Variants in ADD2 observed in about 807,000 individuals in gnomAD.
The protein encoded by ADD2 is beta-adducin.
A neutral mutation model predicts 83.0 loss-of-function variants in ADD2; 23 were observed. The ratio of observed to expected loss-of-function variants is 0.28; its 90% CI spans 0.20 to 0.39. The LOEUF (loss-of-function observed/expected upper bound fraction) is 0.39. Ranked by LOEUF, ADD2 falls within the 10% of genes least tolerant of loss-of-function variation. The probability of loss-of-function intolerance (pLI) is 1.00; values close to 1 mark genes in which losing one functional copy is unlikely to be tolerated. For missense variants in ADD2, 758 were observed against 944.9 expected (o/e 0.80, Z 2.59); for synonymous variants, 375 against 375.4 (o/e 1.00, Z 0.01).
chr2:70,723,345 AC>A (rs528099874), intron 1 of ADD2, among the ~76,000 whole-genome samples: 12 of 152,316 alleles, frequency 7.9e-5, no homozygotes, highest in African/African-American at 2.9e-4. Flanking sequence ...GTTAGGTGCT[AC>A]TATTAAATCA....
intron 1 of ADD2, among the ~76,000 whole-genome samples, chr2:70,727,450 C>T (rs1221663340): frequency 7.2e-5 from 11 of 152,138 alleles, no homozygotes; most frequent in Non-Finnish European, 8.8e-5. Context: ...ACTAAACTGC[C>T]TTCTTTTCCT....
At chr2:70,736,322 G>A (rs184337364) in intron 1 of ADD2, among the ~76,000 whole-genome samples, 1 of 152,202 alleles carries the variant, frequency 6.6e-6, no homozygotes, top group Non-Finnish European at 1.5e-5. Flanking sequence ...TCATCAAGTA[G>A]TGTTAAAATG....
intron 1 of ADD2, among the ~76,000 whole-genome samples, chr2:70,745,591 G>A (rs1341061146): frequency 1.3e-5 from 2 of 152,184 alleles, no homozygotes; most frequent in African/African-American, 4.8e-5. Context: ...GGGAAAGCAG[G>A]AGGGGCAGGA....
Position 70,688,120 on chromosome 2 carries a change from G to A in ADD2, c.852C>T (p.Ile284=), listed in dbSNP as rs1011668406. Residue 284 remains isoleucine, a splice_region_variant and synonymous_variant, in exon 9 of 16, where the codon ATC becomes ATT. Transcript: ENST00000264436. ...LQKCLGPTCK[I]LVLRNHGVVA... Reference sequence around the variant, plus strand: ...CCACTCCATGGTTTCTTAGCACCAGGATCTGTAGAGAAATAAATAGTCAAT... The same window carrying A: ...CCACTCCATGGTTTCTTAGCACCAGAATCTGTAGAGAAATAAATAGTCAAT... The A allele has an allele frequency of 6.2e-7, 1 of 1,613,190 alleles. No individual in the cohort carries two copies. The highest frequency in any genetic ancestry group is 8.5e-7 in the Non-Finnish European group (1 of 1,179,226).
intron 1 of ADD2, among the ~76,000 whole-genome samples, chr2:70,734,383 T>G (rs569297055): frequency 6.6e-6 from 1 of 152,096 alleles, no homozygotes; most frequent in African/African-American, 2.4e-5. Context: ...ACACACATGT[T>G]GCTCTAGATG....
intron 10 of ADD2, among the ~76,000 whole-genome samples, chr2:70,680,335 C>T (rs1380629758): frequency 1.3e-5 from 2 of 152,170 alleles, no homozygotes; most frequent in African/African-American, 2.4e-5. Flanking sequence ...GTTAAATTCT[C>T]ATATATTTTG....
chr2:70,758,047 A>C (rs942088806), intron 1 of ADD2, among the ~76,000 whole-genome samples: 1 of 152,206 alleles, frequency 6.6e-6, no homozygotes, highest in Non-Finnish European at 1.5e-5. Flanking sequence ...ACAAATCTCC[A>C]TCACTTCTGG....
intron 1 of ADD2, among the ~76,000 whole-genome samples, chr2:70,743,449 T>C (rs1674025037): frequency 6.6e-6 from 1 of 152,244 alleles, no homozygotes; most frequent in South Asian, 2.1e-4. Flanking sequence ...GTCTTATGGC[T>C]GTCTCCTCTC....
intron 15 of ADD2, among the ~76,000 whole-genome samples, chr2:70,666,411 C>T (rs887577413): frequency 3.3e-5 from 5 of 152,206 alleles, no homozygotes; most frequent in African/African-American, 4.8e-5. Context: ...TCTCCTGTAC[C>T]TATGCCCTGG....
intron 10 of ADD2, among the ~76,000 whole-genome samples, chr2:70,681,524 C>T (rs755463722): frequency 6.6e-6 from 1 of 152,208 alleles, no homozygotes; most frequent in Non-Finnish European, 1.5e-5. Flanking sequence ...TTGAGTCTGT[C>T]TCCTGCATGG....
At chr2:70,675,718 G>T in intron 13 of ADD2, 1 of 985,420 alleles carries the variant, frequency 1.0e-6, no homozygotes. Context: ...TTCTGCCCCT[G>T]GGCCCCTTCC....
Position 70,713,108 on chromosome 2 carries a change from T to C in ADD2, c.-77A>G. On this transcript the variant is annotated 5_prime_UTR_variant, in exon 2 of 16. Coordinates refer to ENST00000264436, the MANE Select transcript of ADD2 (RefSeq NM_001617.4). ...CCTGTCCAAGGCTCCTTCTGTTCACTGCTCAGTCTGCACCCCCTAGCTCCA... is the reference window on the plus strand; with the variant it reads ...CCTGTCCAAGGCTCCTTCTGTTCACCGCTCAGTCTGCACCCCCTAGCTCCA... 1 of 985,516 alleles carries C rather than the reference T, an allele frequency of 1.0e-6. No homozygotes were observed. Among genetic ancestry groups the C allele is most frequent in the Non-Finnish European group, 1.2e-6 (1 of 830,054 alleles). 61.0% of individuals were successfully genotyped at this position (985,516 alleles called of 1,614,324 possible).
At chr2:70,675,151 G>A in intron 13 of ADD2, 1 of 1,039,558 alleles carries the variant, frequency 9.6e-7, no homozygotes, top group South Asian at 4.2e-5. Context: ...CCATCACTAT[G>A]CAAATACAGT....
intron 1 of ADD2, among the ~76,000 whole-genome samples, chr2:70,748,535 G>T (rs1305883699): frequency 2.0e-5 from 3 of 152,082 alleles, no homozygotes; most frequent in Non-Finnish European, 4.4e-5. Flanking sequence ...CAGATCCAAA[G>T]CAGAGCACTT....
intron 1 of ADD2, among the ~76,000 whole-genome samples, chr2:70,739,848 C>A (rs999770667): frequency 6.6e-6 from 1 of 152,118 alleles, no homozygotes; most frequent in Admixed American, 6.5e-5. Context: ...AAGAAAGGAA[C>A]AGCAAACACT....
At chr2:70,747,253 A>G (rs890983971) in intron 1 of ADD2, among the ~76,000 whole-genome samples, 6 of 151,966 alleles carry the variant, frequency 3.9e-5, no homozygotes, top group African/African-American at 1.2e-4. Context: ...CTCAAGATCC[A>G]CCTGTCTCGG....
intron 1 of ADD2, among the ~76,000 whole-genome samples, chr2:70,732,299 G>A (rs1362958902): frequency 8.6e-5 from 13 of 151,684 alleles, no homozygotes; most frequent in Admixed American, 3.9e-4. Flanking sequence ...CCTAAAGCTC[G>A]TCTACACAGA....
chr2:70,740,804 A>G (rs1181902095), intron 1 of ADD2, among the ~76,000 whole-genome samples: 1 of 152,210 alleles, frequency 6.6e-6, no homozygotes, highest in East Asian at 1.9e-4. Context: ...GCTTCAAGTG[A>G]TTCTCCCACC....
chr2:70,712,074 A>C (rs1267914628), intron 2 of ADD2, among the ~76,000 whole-genome samples: 2 of 152,220 alleles, frequency 1.3e-5, no homozygotes, highest in African/African-American at 4.8e-5. Context: ...TTACCAGGCA[A>C]CTTTTATTCA....
Sources: gnomAD v4.1 joint callset for allele counts (sites outside exome capture counted in the v4.1 genomes callset) on GRCh38, gnomAD v4.1.1 for gene constraint, MANE v1.5 for transcripts, NCBI Gene and HGNC (gene_info 2026-07-23, HGNC 2026-07-21) for gene names.